The following LRRC8D variants were observed in gnomAD, a reference collection of about 807,000 sequenced individuals.
LRRC8D encodes the protein leucine rich repeat containing 8 VRAC subunit D.
Under a neutral mutation model 55.8 loss-of-function variants are expected in LRRC8D, and 20 were observed. The observed-to-expected ratio is 0.36, with a 90% CI of 0.25 to 0.52. LRRC8D has a LOEUF of 0.52. LRRC8D is among the 20% of genes least tolerant of loss of function. The pLI is 0.93. For synonymous variants in LRRC8D, 352 were observed against 377.0 expected (o/e 0.93, Z 0.77); for missense variants, 651 against 1,030.8 (o/e 0.63, Z 5.05).
At chr1:89,881,770 A>G (rs1474718087) in intron 2 of LRRC8D, among the ~76,000 whole-genome samples, 1 of 152,062 alleles carries the variant, frequency 6.6e-6, no homozygotes, top group African/African-American at 2.4e-5. Context: ...GCCTCACTGA[A>G]CTTCATTTTT....
chr1:89,826,885 TGA>T (rs1660778032), intron 1 of LRRC8D, among the ~76,000 whole-genome samples: 1 of 152,106 alleles, frequency 6.6e-6, no homozygotes, highest in African/African-American at 2.4e-5. Context: ...GATTTGCAGG[TGA>T]GTTTCTTGTG....
chr1:89,935,758 TAAAAC>T lies in LRRC8D; in HGVS notation c.*115_*119del, dbSNP rs1194479557. The T allele has an allele frequency of 2.6e-5, 24 of 930,566 alleles. No individual in the cohort carries two copies. Among genetic ancestry groups the T allele is most frequent in the Non-Finnish European group, 3.6e-5 (22 of 615,468 alleles). 57.6% of individuals were successfully genotyped at this position (930,566 alleles called of 1,614,324 possible). The stretch of plus-strand genomic sequence containing the variant: ...TTAGGAGTAGATACATCTTTTAAAA[TAAAAC>T]AGAGAGGATGCATAGAAGGCTGATA... On this transcript the variant is annotated 3_prime_UTR_variant, in exon 3 of 3. Transcript: ENST00000337338.
intron 2 of LRRC8D, among the ~76,000 whole-genome samples, chr1:89,878,794 T>G (rs1570850110): frequency 6.6e-6 from 1 of 151,858 alleles, no homozygotes; most frequent in Non-Finnish European, 1.5e-5. Context: ...GGTGAAACCC[T>G]GTCTCTACTA....
intron 1 of LRRC8D, among the ~76,000 whole-genome samples, chr1:89,837,578 T>A (rs910156609): frequency 6.6e-6 from 1 of 152,222 alleles, no homozygotes; most frequent in Admixed American, 6.5e-5. Context: ...CATCTCCATG[T>A]CCATGTCTCT....
intron 2 of LRRC8D, among the ~76,000 whole-genome samples, chr1:89,862,983 T>TATGAGAACTTCTCATA (rs1181985617): frequency 2.0e-5 from 3 of 152,178 alleles, no homozygotes; most frequent in Admixed American, 2.0e-4. Flanking sequence ...TAGTTCTTTG[T>TATGAGAACTTCTCATA]TATTATAAAA....
At chr1:89,906,963 G>A (rs1404432847) in intron 2 of LRRC8D, among the ~76,000 whole-genome samples, 3 of 151,964 alleles carry the variant, frequency 2.0e-5, no homozygotes, top group African/African-American at 7.3e-5. Context: ...TCTGGGTGGA[G>A]GCCAAGAATC....
Position 89,911,452 on chromosome 1 carries a change from G to C in LRRC8D, c.-2-21615G>C, listed in dbSNP as rs1332438549. ...CATACTTGAGTTATAGCTCCTTGTC[G>C]AAATGTGTTTGTATAATTTGACTTT... is the stretch of plus-strand genomic sequence containing the variant. On this transcript the variant is annotated intron_variant, in intron 2 of 2. Transcript: ENST00000337338. This position sits in a 1 kb window ranked among gnomAD's most constrained non-coding sequence, Gnocchi z 4.0. 6.6e-6 allele frequency among the ~76,000 whole-genome samples: 1 copy of C among 152,034 alleles called. No homozygotes were observed. The highest frequency in any genetic ancestry group is 2.4e-5 in the African/African-American group (1 of 41,394).
chr1:89,841,843 T>TG (rs1262785932), intron 1 of LRRC8D, among the ~76,000 whole-genome samples: 1 of 152,180 alleles, frequency 6.6e-6, no homozygotes, highest in African/African-American at 2.4e-5. Context: ...CAGCAATAGC[T>TG]GGTAAGTAGC....
intron 2 of LRRC8D, among the ~76,000 whole-genome samples, chr1:89,849,533 G>A (rs1176625948): frequency 6.6e-6 from 1 of 150,766 alleles, no homozygotes; most frequent in Non-Finnish European, 1.5e-5. Flanking sequence ...CTGCCAACCT[G>A]ATAAATGTTG....
intron 2 of LRRC8D, among the ~76,000 whole-genome samples, chr1:89,927,846 G>T (rs1414351456): frequency 6.6e-6 from 1 of 152,168 alleles, no homozygotes; most frequent in Non-Finnish European, 1.5e-5. Flanking sequence ...CTATAAAACT[G>T]GGAAGTTGTA....
At chr1:89,871,948 C>A (rs1662016385) in intron 2 of LRRC8D, among the ~76,000 whole-genome samples, 1 of 152,188 alleles carries the variant, frequency 6.6e-6, no homozygotes, top group Non-Finnish European at 1.5e-5. Flanking sequence ...CTTTTGGGCA[C>A]TTACAGCTTT....
chr1:89,848,587 A>ATTT (rs1661335775), intron 2 of LRRC8D, among the ~76,000 whole-genome samples: 1 of 152,160 alleles, frequency 6.6e-6, no homozygotes, highest in South Asian at 2.1e-4. Flanking sequence ...AAAAGAAATT[A>ATTT]CTTCCTATCT....
intron 2 of LRRC8D, among the ~76,000 whole-genome samples, chr1:89,900,396 A>G (rs1662821203): frequency 6.6e-6 from 1 of 150,578 alleles, no homozygotes; most frequent in African/African-American, 2.5e-5. Context: ...TGAGAGATGT[A>G]GGTTAAAAAG....
At chr1:89,864,795 AC>A (rs936665716) in intron 2 of LRRC8D, among the ~76,000 whole-genome samples, 5 of 151,842 alleles carry the variant, frequency 3.3e-5, no homozygotes, top group African/African-American at 1.2e-4. Flanking sequence ...AGCTTTACCT[AC>A]CCCCGACCCC....
At chr1:89,878,025 T>G (rs374686846) in intron 2 of LRRC8D, among the ~76,000 whole-genome samples, 1 of 152,202 alleles carries the variant, frequency 6.6e-6, no homozygotes, top group African/African-American at 2.4e-5. Flanking sequence ...GTGTAAATGA[T>G]AGCAGTGATA....
chr1:89,854,268 T>C (rs1192358306), intron 2 of LRRC8D, among the ~76,000 whole-genome samples: 1 of 152,130 alleles, frequency 6.6e-6, no homozygotes, highest in Non-Finnish European at 1.5e-5. Context: ...CAGCTGGAAG[T>C]TAGTAACAGT....
chr1:89,896,446 T>G (rs1051109477), intron 2 of LRRC8D, among the ~76,000 whole-genome samples: 3 of 152,134 alleles, frequency 2.0e-5, no homozygotes, highest in African/African-American at 7.2e-5. Flanking sequence ...GATTTCTGAC[T>G]CCCAGCACAC....
chr1:89,906,454 C>G (rs1331176283), intron 2 of LRRC8D, among the ~76,000 whole-genome samples: 1 of 152,174 alleles, frequency 6.6e-6, no homozygotes, highest in Non-Finnish European at 1.5e-5. Context: ...TGAAACAACC[C>G]CAAAATCCCA....
chr1:89,929,337 G>A (rs1280380418), intron 2 of LRRC8D, among the ~76,000 whole-genome samples: 1 of 152,196 alleles, frequency 6.6e-6, no homozygotes, highest in African/African-American at 2.4e-5. Context: ...CAAAGTGTTG[G>A]AGAGGCTGAA....
Sources: allele counts gnomAD v4.1 joint callset (sites outside exome capture counted in the v4.1 genomes callset), GRCh38; gene constraint gnomAD v4.1.1; non-coding constraint Gnocchi (gnomAD v3.1); transcripts MANE v1.5; gene names NCBI Gene and HGNC (gene_info 2026-07-23, HGNC 2026-07-21).